The following CNTN5 variants were observed in gnomAD, a reference collection of about 807,000 sequenced individuals.
The protein encoded by CNTN5 is contactin-5.
A neutral mutation model predicts 129.1 loss-of-function variants in CNTN5; 77 were observed. The ratio of observed to expected loss-of-function variants is 0.60; its 90% CI spans 0.50 to 0.72. The LOEUF is 0.72. CNTN5 is among the 30% of genes least tolerant of loss of function. The probability of loss-of-function intolerance (pLI) is 0.00; values close to 1 mark genes in which losing one functional copy is unlikely to be tolerated. For missense variants in CNTN5, 1,478 were observed against 1,328.8 expected (o/e 1.11, Z -1.75); for synonymous variants, 509 against 465.6 (o/e 1.09, Z -1.20).
At chr11:99,316,515 C>T (rs771171582) in intron 1 of CNTN5, among the ~76,000 whole-genome samples, 2 of 151,864 alleles carry the variant, frequency 1.3e-5, no homozygotes, top group African/African-American at 2.4e-5. Context: ...TGAAAATAAA[C>T]ATTTAGGTGT....
rs7927912 is a variant in CNTN5, at chr11:100,015,179, G to A, written c.980+13043G>A. Among the ~76,000 whole-genome samples the A allele has an allele frequency of 6.1e-3, 934 of 152,146 alleles. 10 individuals carry two copies. Among genetic ancestry groups the A allele is most frequent in the African/African-American group, 0.021 (885 of 41,508 alleles). ...CGAATAAACCAATATATTAAAAAAC[G>A]TATAAGCCTGAGACTAAACATGTCT... On this transcript the variant is annotated intron_variant, in intron 9 of 24. Coordinates refer to ENST00000524871, the MANE Select transcript of CNTN5 (RefSeq NM_014361.4).
intron 13 of CNTN5, among the ~76,000 whole-genome samples, chr11:100,151,369 T>C (rs1947047329): frequency 6.6e-6 from 1 of 152,054 alleles, no homozygotes; most frequent in South Asian, 2.1e-4. Flanking sequence ...AAAATCTTCA[T>C]TGAGTCTATG....
intron 8 of CNTN5, among the ~76,000 whole-genome samples, chr11:99,971,388 C>T (rs1158113320): frequency 6.6e-6 from 1 of 151,668 alleles, no homozygotes; most frequent in Non-Finnish European, 1.5e-5. Context: ...ACTAAAAATA[C>T]AAAAATTAGC....
intron 6 of CNTN5, among the ~76,000 whole-genome samples, chr11:99,881,709 A>G (rs1948776964): frequency 6.6e-6 from 1 of 152,230 alleles, no homozygotes; most frequent in South Asian, 2.1e-4. Flanking sequence ...CCCTGAGGCA[A>G]TGATTTTTTA....
chr11:100,164,447 C>T (rs954817299), intron 13 of CNTN5, among the ~76,000 whole-genome samples: 1 of 151,626 alleles, frequency 6.6e-6, no homozygotes, highest in African/African-American at 2.4e-5. Context: ...ACATTAGGCT[C>T]ATGAATAAAT....
At chr11:100,073,459 A>T (rs928096521) in intron 12 of CNTN5, among the ~76,000 whole-genome samples, 13 of 151,680 alleles carry the variant, frequency 8.6e-5, no homozygotes, top group Non-Finnish European at 1.9e-4. Flanking sequence ...ATATAATATG[A>T]AATACATATA....
At chr11:99,921,647 T>G (rs66460630) in intron 7 of CNTN5, among the ~76,000 whole-genome samples, 46,628 of 152,098 alleles carry the variant, frequency 0.31, 8,301 homozygotes, top group South Asian at 0.4. Flanking sequence ...ATAGTTTGTC[T>G]CCTTCGGTTA....
intron 3 of CNTN5, among the ~76,000 whole-genome samples, chr11:99,569,468 C>T (rs563034865): frequency 3.9e-4 from 60 of 152,252 alleles, no homozygotes; most frequent in African/African-American, 1.4e-3. Flanking sequence ...TGTGCACCAC[C>T]ATGCCTGGCT....
At chr11:99,516,106 G>A (rs1356059676) in intron 2 of CNTN5, among the ~76,000 whole-genome samples, 1 of 147,326 alleles carries the variant, frequency 6.8e-6, no homozygotes, top group Admixed American at 6.9e-5. Flanking sequence ...AATACCATAA[G>A]TAACAGAATA....
At chr11:100,129,591 T>A (rs1420724010) in intron 13 of CNTN5, among the ~76,000 whole-genome samples, 1 of 152,116 alleles carries the variant, frequency 6.6e-6, no homozygotes, top group Non-Finnish European at 1.5e-5. Context: ...TGCATGAATA[T>A]TTTTTAATTT....
chr11:99,805,403 ACAAT>A (rs1285085079), intron 3 of CNTN5, among the ~76,000 whole-genome samples: 1 of 152,200 alleles, frequency 6.6e-6, no homozygotes, highest in Non-Finnish European at 1.5e-5. Context: ...GAAAACCGAA[ACAAT>A]CAACCTATGT....
At chr11:99,780,219 C>T (rs980546601) in intron 3 of CNTN5, among the ~76,000 whole-genome samples, 4 of 151,940 alleles carry the variant, frequency 2.6e-5, no homozygotes, top group Admixed American at 2.0e-4. Context: ...TGCATGCAGT[C>T]CTCTGCAGAA....
chr11:100,110,583 T>C (rs1945622250), intron 13 of CNTN5, among the ~76,000 whole-genome samples: 1 of 152,182 alleles, frequency 6.6e-6, no homozygotes, highest in Non-Finnish European at 1.5e-5. Flanking sequence ...TTATAAACCA[T>C]ATAATGAGAA....
At chr11:99,730,778 AC>A (rs1943504624) in intron 3 of CNTN5, among the ~76,000 whole-genome samples, 1 of 152,300 alleles carries the variant, frequency 6.6e-6, no homozygotes, top group African/African-American at 2.4e-5. Flanking sequence ...ATCACCTCAA[AC>A]ATTTATAATT....
chr11:99,832,212 CA>C (rs1793932514), intron 4 of CNTN5, among the ~76,000 whole-genome samples: 1 of 152,046 alleles, frequency 6.6e-6, no homozygotes, highest in African/African-American at 2.4e-5. Context: ...AAGTCATTAG[CA>C]AAAAAGCAAG....
intron 13 of CNTN5, among the ~76,000 whole-genome samples, chr11:100,155,848 T>G (rs1203025221): frequency 1.3e-5 from 2 of 152,170 alleles, no homozygotes; most frequent in Non-Finnish European, 2.9e-5. Flanking sequence ...TTTTGCACAT[T>G]GATTTTGTAT....
At chr11:100,309,686 T>C in intron 21 of CNTN5, 1 of 984,874 alleles carries the variant, frequency 1.0e-6, no homozygotes, top group African/African-American at 1.7e-5. Context: ...CCACAATAAA[T>C]ATGTTGAATG....
intron 2 of CNTN5, among the ~76,000 whole-genome samples, chr11:99,553,695 A>C: frequency 6.6e-6 from 1 of 152,056 alleles, no homozygotes; most frequent in Non-Finnish European, 1.5e-5. Flanking sequence ...ACTATATTTT[A>C]TATACATATC....
chr11:100,174,554 G>GA (rs1024800040), intron 13 of CNTN5, among the ~76,000 whole-genome samples: 6 of 152,128 alleles, frequency 3.9e-5, no homozygotes, highest in African/African-American at 1.4e-4. Context: ...TGAGCAAAAA[G>GA]ATTGAGTGTA....
Sources: allele counts gnomAD v4.1 joint callset (sites outside exome capture counted in the v4.1 genomes callset), GRCh38; gene constraint gnomAD v4.1.1; transcripts MANE v1.5; gene names NCBI Gene and HGNC (gene_info 2026-07-23, HGNC 2026-07-21).